The following MCC variants were observed in gnomAD, a reference collection of about 807,000 sequenced individuals.
MCC encodes colorectal mutant cancer protein.
Under a neutral mutation model 116.2 loss-of-function variants are expected in MCC, and 90 were observed. The ratio of observed to expected loss-of-function variants is 0.77; its 90% CI spans 0.65 to 0.92. The LOEUF (loss-of-function observed/expected upper bound fraction) is 0.92. Among genes scored for constraint, MCC ranks in the 40% least tolerant of loss-of-function variants. The pLI, the probability that MCC is intolerant of heterozygous loss-of-function variation, is 0.00. For synonymous variants in MCC, 578 were observed against 510.5 expected (o/e 1.13, Z -1.78); for missense variants, 1,516 against 1,312.2 (o/e 1.16, Z -2.40).
intron 1 of MCC, among the ~76,000 whole-genome samples, chr5:113,444,785 T>C (rs1277243556): frequency 6.6e-6 from 1 of 152,196 alleles, no homozygotes. Context: ...TTCTCTATAT[T>C]GAAGGCCTTG....
chr5:113,351,245 T>C (rs1602862), intron 2 of MCC, among the ~76,000 whole-genome samples: 26,054 of 152,140 alleles, frequency 0.17, 2,393 homozygotes, highest in Non-Finnish European at 0.21. Context: ...CCCATGTTCA[T>C]TGCAGCACTA....
intron 3 of MCC, among the ~76,000 whole-genome samples, chr5:113,186,646 A>T (rs1443807410): frequency 6.6e-6 from 1 of 152,204 alleles, no homozygotes; most frequent in East Asian, 1.9e-4. Flanking sequence ...CAACACATAT[A>T]TTAGAGAATA....
At chr5:113,280,460 C>A (rs1177927801) in intron 3 of MCC, among the ~76,000 whole-genome samples, 1 of 152,198 alleles carries the variant, frequency 6.6e-6, no homozygotes, top group Non-Finnish European at 1.5e-5. Flanking sequence ...GCCACTCTCA[C>A]CAGCAAAGGT....
At chr5:113,232,940 A>G (rs1763990551) in intron 3 of MCC, among the ~76,000 whole-genome samples, 1 of 152,150 alleles carries the variant, frequency 6.6e-6, no homozygotes, top group African/African-American at 2.4e-5. Flanking sequence ...CAGGAGCAGA[A>G]CCAGGATTGG....
At chr5:113,199,728 G>T (rs1381422255) in intron 3 of MCC, among the ~76,000 whole-genome samples, 3 of 152,142 alleles carry the variant, frequency 2.0e-5, no homozygotes, top group Non-Finnish European at 4.4e-5. Flanking sequence ...CCCAATGACT[G>T]CCAGCTTGCT....
chr5:113,138,293 G>A (rs974336504), intron 5 of MCC, among the ~76,000 whole-genome samples: 10 of 152,336 alleles, frequency 6.6e-5, no homozygotes, highest in African/African-American at 2.4e-4. Flanking sequence ...TTATAGGCAT[G>A]AGCCACCACG....
At chr5:113,366,166 T>G (rs1768682408) in intron 2 of MCC, among the ~76,000 whole-genome samples, 1 of 152,258 alleles carries the variant, frequency 6.6e-6, no homozygotes, top group Admixed American at 6.5e-5. Context: ...TAATTTCAAT[T>G]ATAACATTTC....
intron 3 of MCC, among the ~76,000 whole-genome samples, chr5:113,200,395 T>A (rs936280020): frequency 2.0e-5 from 3 of 152,182 alleles, no homozygotes; most frequent in African/African-American, 7.2e-5. Context: ...TCAAGATGAC[T>A]TGACAGTGAA....
rs547192248 is a variant in MCC at position 113,424,132 on chromosome 5, TACACACACACACAC to T, written c.171-38934_171-38921del. Among the ~76,000 whole-genome samples, 774 of 112,704 alleles carry T rather than the reference TACACACACACACAC, an allele frequency of 6.9e-3. 7 individuals are homozygous for T. Among genetic ancestry groups the T allele is most frequent in the Middle Eastern group, 0.02 (4 of 196 alleles). The allele number at this position is 112,704 out of a possible 152,430, so 73.9% of individuals were successfully genotyped here. Reference sequence around the variant, plus strand: ...TCCCACTGGTCAAAAAGTCATCCTCTACACACACACACACACACACACACACACACACACACACA... The same window carrying T: ...TCCCACTGGTCAAAAAGTCATCCTCTACACACACACACACACACACACACA... On this transcript the variant is annotated intron_variant, in intron 1 of 18. Transcript: ENST00000408903.
chr5:113,320,257 TACAC>T (rs147315202), intron 3 of MCC, among the ~76,000 whole-genome samples: 51 of 150,878 alleles, frequency 3.4e-4, no homozygotes, highest in Non-Finnish European at 6.8e-4. Flanking sequence ...TACTATGTAG[TACAC>T]ACACACACAC....
Position 113,157,321 on chromosome 5 carries a change from A to AT in MCC, c.628-5900dup, listed in dbSNP as rs538914335. Among the ~76,000 whole-genome samples the AT allele has an allele frequency of 5.9e-3, 901 of 152,266 alleles. 20 individuals are homozygous for AT. Among genetic ancestry groups the AT allele is most frequent in the Non-Finnish European group, 6.0e-3 (411 of 68,014 alleles). On this transcript the variant is annotated intron_variant, in intron 3 of 18. Transcript: ENST00000408903. ...CTTCCCGATTTGCTGAGGGACAACT[A>AT]TTTTTCCCATGAAACACAGTTGGTA...
chr5:113,067,946 G>GA, intron 13 of MCC, 134 bp downstream of exon 13: 1 of 710,036 alleles, frequency 1.4e-6, no homozygotes, highest in Non-Finnish European at 2.5e-6. Context: ...CAGTCATGAG[G>GA]AAAAACGAAA....
chr5:113,214,929 G>T (rs570624406), intron 3 of MCC, among the ~76,000 whole-genome samples: 1 of 152,236 alleles, frequency 6.6e-6, no homozygotes, highest in African/African-American at 2.4e-5. Flanking sequence ...AGCCTTACTG[G>T]AAAACCTGCA....
intron 3 of MCC, among the ~76,000 whole-genome samples, chr5:113,237,679 T>C (rs1343748499): frequency 6.6e-6 from 1 of 152,174 alleles, no homozygotes; most frequent in Non-Finnish European, 1.5e-5. Flanking sequence ...CAAGAGAAAT[T>C]ATATTTGAAA....
At chr5:113,419,727 T>A (rs866541787) in intron 1 of MCC, among the ~76,000 whole-genome samples, 12 of 151,158 alleles carry the variant, frequency 7.9e-5, no homozygotes, top group Non-Finnish European at 1.8e-4. Flanking sequence ...TGTAGGGACA[T>A]GGATGAAACT....
chr5:113,089,650 G>A (rs1010717992), intron 8 of MCC, among the ~76,000 whole-genome samples: 1 of 152,220 alleles, frequency 6.6e-6, no homozygotes, highest in Non-Finnish European at 1.5e-5. Context: ...ACACGTGGCT[G>A]TAAGCACTTG....
rs201887320 is a variant in MCC at position 113,273,858 on chromosome 5, TAA to T, written c.627+66659_627+66660del. ...TGAGCAATATCAAGCCTGGATAGGT[TAA>T]AAAGCATTATGCTCTGTTCCTGTCT... On this transcript the variant is annotated intron_variant, in intron 3 of 18. Transcript: ENST00000408903. Among the ~76,000 whole-genome samples, 695 of 152,196 alleles carry T rather than the reference TAA, an allele frequency of 4.6e-3. 11 individuals carry two copies. Among genetic ancestry groups the T allele is most frequent in the Admixed American group, 0.038 (574 of 15,282 alleles).
chr5:113,296,323 G>C lies in MCC; in HGVS notation c.627+44196C>G, dbSNP rs141330304. ...AGGTGTTTATAGACTTGTAAAACAT[G>C]AACAGAAATGACAATTCTAGATAGA... On this transcript the variant is annotated intron_variant, in intron 3 of 18. Coordinates refer to ENST00000408903, the MANE Select transcript of MCC (RefSeq NM_001085377.2). 5.1e-4 allele frequency among the ~76,000 whole-genome samples: 77 copies of C among 152,282 alleles called. 1 individual carries two copies. The East Asian group carries it at 0.012, about 24-fold the overall frequency.
At chr5:113,331,122 G>A (rs780645553) in intron 3 of MCC, among the ~76,000 whole-genome samples, 2 of 152,230 alleles carry the variant, frequency 1.3e-5, no homozygotes, top group African/African-American at 2.4e-5. Flanking sequence ...TAACCCCTTA[G>A]ATGCTGAACT....
Sources: gnomAD v4.1 joint callset for allele counts (sites outside exome capture counted in the v4.1 genomes callset) on GRCh38, gnomAD v4.1.1 for gene constraint, MANE v1.5 for transcripts, NCBI Gene and HGNC (gene_info 2026-07-23, HGNC 2026-07-21) for gene names.